Variants in SOHLH2 observed in about 807,000 individuals in gnomAD.
SOHLH2 encodes the protein spermatogenesis- and oogenesis-specific basic helix-loop-helix-containing protein 2.
In SOHLH2, 22 loss-of-function variants were observed where a neutral mutation model predicts 50.4. That is an observed-to-expected ratio of 0.44 (90% CI 0.31 to 0.62). The LOEUF (loss-of-function observed/expected upper bound fraction) is 0.62. Ranked by LOEUF, SOHLH2 falls within the 20% of genes least tolerant of loss-of-function variation. SOHLH2 has a pLI of 0.08. For missense variants in SOHLH2, 412 were observed against 504.4 expected, an observed-to-expected ratio of 0.82 and a Z score of 1.76; for synonymous variants, 185 against 187.3, an observed-to-expected ratio of 0.99 and a Z score of 0.10.
chr13:36,195,410 A>C (rs1887695934), intron 2 of SOHLH2, among the ~76,000 whole-genome samples: 2 of 152,178 alleles, frequency 1.3e-5, no homozygotes, highest in Non-Finnish European at 2.9e-5. Flanking sequence ...AAGCTCTGGC[A>C]CAGGGCATCT....
chr13:36,171,826 T>C (rs1403752523), intron 9 of SOHLH2, among the ~76,000 whole-genome samples: 1 of 152,186 alleles, frequency 6.6e-6, no homozygotes, highest in Non-Finnish European at 1.5e-5. Context: ...AAAATGGTGA[T>C]GAGTGATGCA....
rs933302086 is a variant in SOHLH2 at position 36,178,898 on chromosome 13, T to C, written c.642-4029A>G. Among the ~76,000 whole-genome samples the C allele has an allele frequency of 8.1e-4, 123 of 152,190 alleles. 2 individuals are homozygous for C. Among genetic ancestry groups the C allele is most frequent in the South Asian group, 4.1e-4 (2 of 4,822 alleles). On this transcript the variant is annotated intron_variant, in intron 6 of 10. Transcript: ENST00000379881. ...ACTTTAAATGTCATAATATTTATATTTTCATTTTATAATTATTTGCTGTTA... is the reference window on the plus strand; with the variant it reads ...ACTTTAAATGTCATAATATTTATATCTTCATTTTATAATTATTTGCTGTTA...
intron 1 of SOHLH2, among the ~76,000 whole-genome samples, chr13:36,213,033 C>T (rs891373228): frequency 6.6e-6 from 1 of 152,204 alleles, no homozygotes; most frequent in East Asian, 1.9e-4. Context: ...AGCAGAGCAG[C>T]CCACAATCAG....
At chr13:36,176,590 T>G (rs1190821945) in intron 6 of SOHLH2, among the ~76,000 whole-genome samples, 1 of 152,154 alleles carries the variant, frequency 6.6e-6, no homozygotes, top group Non-Finnish European at 1.5e-5. Flanking sequence ...AACTCATTTA[T>G]GTTTTATAAT....
chr13:36,170,643 T>A lies in SOHLH2; in HGVS notation c.1145A>T (p.Asn382Ile). The change falls in exon 10 of 11, where the codon AAT (asparagine) becomes ATT (isoleucine). Residue 382 changes from asparagine (N) to isoleucine (I), a missense_variant. Asn to Ile is a moderately radical substitution (Grantham distance 149). Transcript: ENST00000379881. ...AGGTAAATGAATTGAAATGTTCTGA[T>A]TTGTTACAGCAGTTGCATCGTAGGA... ...TPSYDATAVTNQNISIHLPSA... is the reference protein window; with the variant it reads ...TPSYDATAVTIQNISIHLPSA... 1 of 1,614,162 alleles carries A rather than the reference T, an allele frequency of 6.2e-7. No individual in the cohort carries two copies. The highest frequency in any genetic ancestry group is 1.1e-5 in the South Asian group (1 of 91,078).
intron 1 of SOHLH2, among the ~76,000 whole-genome samples, chr13:36,213,938 G>C (rs1437872805): frequency 6.6e-6 from 1 of 151,954 alleles, no homozygotes; most frequent in Non-Finnish European, 1.5e-5. Flanking sequence ...TTTTTGTCCA[G>C]CCACCAGCCC....
chr13:36,186,894 A>G (rs969586260), intron 6 of SOHLH2, among the ~76,000 whole-genome samples: 4 of 152,102 alleles, frequency 2.6e-5, no homozygotes, highest in Admixed American at 2.0e-4. Context: ...ACAAACAAAA[A>G]CCCAAAACCA....
rs868838035 is a variant in SOHLH2 at position 36,174,471 on chromosome 13, C to T, written c.881+5G>A. On this transcript the variant is annotated splice_donor_5th_base_variant and intron_variant, in intron 8 of 10. Coordinates refer to ENST00000379881, the MANE Select transcript of SOHLH2 (RefSeq NM_017826.3). The stretch of plus-strand genomic sequence containing the variant: ...ACTTCAGATTCGCAAAAGCCCTTAT[C>T]ATACCGCTGTGCCATGACAGTGCCT... The T allele has an allele frequency of 1.2e-6, 2 of 1,613,314 alleles. No individual in the cohort carries two copies. Among genetic ancestry groups the T allele is most frequent in the African/African-American group, 1.3e-5 (1 of 74,996 alleles).
At chr13:36,206,652 T>G (rs1169301807) in intron 1 of SOHLH2, among the ~76,000 whole-genome samples, 3 of 151,936 alleles carry the variant, frequency 2.0e-5, no homozygotes. Flanking sequence ...AATACCTGTT[T>G]TCTGTTGTGC....
chr13:36,199,535 T>G (rs1887835359), intron 2 of SOHLH2, among the ~76,000 whole-genome samples: 1 of 152,242 alleles, frequency 6.6e-6, no homozygotes, highest in Admixed American at 6.5e-5. Flanking sequence ...AGTCCAGGTG[T>G]ATTCCACAAA....
chr13:36,205,556 A>AT lies in SOHLH2; in HGVS notation c.49-3464dup, dbSNP rs1277183306. Among the ~76,000 whole-genome samples, 5 of 152,202 alleles carry AT rather than the reference A, an allele frequency of 3.3e-5. No individual in the cohort carries two copies. The East Asian group carries it at 9.6e-4, about 29-fold the overall frequency. On this transcript the variant is annotated intron_variant, in intron 1 of 10. Coordinates refer to ENST00000379881, the MANE Select transcript of SOHLH2 (RefSeq NM_017826.3). The stretch of plus-strand genomic sequence containing the variant: ...GTTAGGCAGTGAATCATATTAATAG[A>AT]TTTCCTAATGTCAAGCCATCACAGT...
rs187265148 is a variant in SOHLH2 at position 36,176,178 on chromosome 13, T to C, written c.642-1309A>G. Among the ~76,000 whole-genome samples the C allele has an allele frequency of 1.9e-3, 293 of 152,208 alleles. 2 individuals are homozygous for C. Among genetic ancestry groups the C allele is most frequent in the Non-Finnish European group, 1.5e-3 (103 of 68,010 alleles). ...ATATAATCCAAGCCACTAAACAAAG[T>C]AGAAGTGAAGCCTAGGAAAAAAGAC... On this transcript the variant is annotated intron_variant, in intron 6 of 10. Coordinates refer to ENST00000379881, the MANE Select transcript of SOHLH2 (RefSeq NM_017826.3).
intron 1 of SOHLH2, among the ~76,000 whole-genome samples, chr13:36,208,455 ATACT>A (rs1868913674): frequency 6.6e-6 from 1 of 152,140 alleles, no homozygotes. Context: ...AATTTCAGAA[ATACT>A]TAATTATTAG....
chr13:36,207,648 C>A (rs1440687931), intron 1 of SOHLH2, among the ~76,000 whole-genome samples: 1 of 152,166 alleles, frequency 6.6e-6, no homozygotes, highest in African/African-American at 2.4e-5. Context: ...AATTTTTCCA[C>A]TGATAGCCTT....
chr13:36,177,455 C>T (rs1178425622), intron 6 of SOHLH2, among the ~76,000 whole-genome samples: 1 of 151,998 alleles, frequency 6.6e-6, no homozygotes, highest in Non-Finnish European at 1.5e-5. Flanking sequence ...AAATGATGGG[C>T]CATTTTATAA....
chr13:36,179,780 T>G (rs1176897361), intron 6 of SOHLH2, among the ~76,000 whole-genome samples: 1 of 152,196 alleles, frequency 6.6e-6, no homozygotes, highest in Non-Finnish European at 1.5e-5. Context: ...TGTGGTCATA[T>G]TATATCTTTA....
In SOHLH2 at chr13:36,196,093, CAGAAAGAT is replaced by C. The variant is rs968964279; in HGVS notation, c.264-2234_264-2227del. 1.4e-4 allele frequency among the ~76,000 whole-genome samples: 15 copies of C among 109,190 alleles called. 1 individual carries two copies. In the East Asian group the frequency reaches 2.8e-3, roughly 21 times the overall value. 71.6% of individuals were successfully genotyped at this position (109,190 alleles called of 152,430 possible). ...AATAAATATATACATTTTAGACAGA[CAGAAAGAT>C]AGATAGATAGATAGATAGATAGATA... On this transcript the variant is annotated intron_variant, in intron 2 of 10. Transcript: ENST00000379881.
At chr13:36,176,227 G>T (rs1887093658) in intron 6 of SOHLH2, among the ~76,000 whole-genome samples, 1 of 152,090 alleles carries the variant, frequency 6.6e-6, no homozygotes, top group African/African-American at 2.4e-5. Flanking sequence ...ATCCAGTACA[G>T]TTATTTCTGG....
chr13:36,208,520 C>A (rs1458274137), intron 1 of SOHLH2, among the ~76,000 whole-genome samples: 1 of 152,150 alleles, frequency 6.6e-6, no homozygotes, highest in East Asian at 1.9e-4. Flanking sequence ...TCTAAATCTA[C>A]AGCCTCTCTC....
Sources: gnomAD v4.1 joint callset for allele counts (sites outside exome capture counted in the v4.1 genomes callset) on GRCh38, gnomAD v4.1.1 for gene constraint, MANE v1.5 for transcripts, NCBI Gene and HGNC (gene_info 2026-07-23, HGNC 2026-07-21) for gene names.